Variants in ADAM15 observed in about 807,000 individuals in gnomAD.
ADAM15 encodes disintegrin and metalloproteinase domain-containing protein 15.
Under a neutral mutation model 113.8 loss-of-function variants are expected in ADAM15, and 77 were observed. The observed-to-expected ratio is 0.68, with a 90% CI of 0.56 to 0.82. The LOEUF is 0.82. ADAM15 is among the 40% of genes least tolerant of loss of function. ADAM15 has a pLI of 0.00. For missense variants in ADAM15, 963 were observed against 1,120.1 expected, an observed-to-expected ratio of 0.86 and a Z score of 2.00; for synonymous variants, 388 against 454.1, an observed-to-expected ratio of 0.85 and a Z score of 1.85.
chr1:155,059,986 G>T lies in ADAM15; in HGVS notation c.2068+12G>T, dbSNP rs983500077. ...CACTCAGCTCAAAGGTAGCATGGGG[G>T]TGGGGGACAGGGGCAGCTGGGAGGG... On this transcript the variant is annotated intron_variant, in intron 17 of 22. Transcript: ENST00000356955. The T allele has an allele frequency of 6.2e-7, 1 of 1,613,816 alleles. No individual in the cohort carries two copies. Among genetic ancestry groups the T allele is most frequent in the African/African-American group, 1.3e-5 (1 of 74,910 alleles).
In ADAM15 at chr1:155,062,408, A is replaced by G. The variant is rs768026924; in HGVS notation, c.2549+39A>G. ...TGGGCATGGGTGGGCGGGGCGAGTG[A>G]CCTGGGGGAAAGGGGCCTCTGACTC... is the stretch of plus-strand genomic sequence containing the variant. On this transcript the variant is annotated intron_variant, in intron 22 of 22. Transcript: ENST00000356955. This position sits in a 1 kb window ranked among gnomAD's most constrained non-coding sequence, Gnocchi z 7.0. The G allele has an allele frequency of 1.2e-6, 2 of 1,611,400 alleles. No individual in the cohort carries two copies. The highest frequency in any genetic ancestry group is 1.1e-5 in the South Asian group (1 of 90,714).
intron 6 of ADAM15, chr1:155,055,444 T>A: frequency 3.2e-6 from 1 of 316,412 alleles, no homozygotes; most frequent in Admixed American, 4.5e-5. Context: ...TCCAGGATGG[T>A]CTCGATCTCC....
intron 1 of ADAM15, chr1:155,052,364 T>G (rs1571587991): frequency 7.7e-6 from 6 of 779,788 alleles, no homozygotes; most frequent in African/African-American, 3.7e-5. Flanking sequence ...TGGGAGGGAG[T>G]GGGAACCGGG....
At chr1:155,059,221 C>T (rs1406570099) in intron 16 of ADAM15, among the ~76,000 whole-genome samples, 3 of 152,166 alleles carry the variant, frequency 2.0e-5, no homozygotes, top group Admixed American at 1.3e-4. Flanking sequence ...TCACCCGCCA[C>T]CATGCCCAGC....
chr1:155,060,945 A>T, intron 19 of ADAM15, 113 bp downstream of exon 19: 7 of 1,062,882 alleles, frequency 6.6e-6, no homozygotes, highest in Non-Finnish European at 9.6e-6. Context: ...GCACTGCCCA[A>T]GAGTCAGTCG....
In ADAM15 at chr1:155,062,334, A is replaced by C. The variant is rs771890676; in HGVS notation, c.2514A>C (p.Pro838=). The C allele has an allele frequency of 1.3e-6, 2 of 1,552,484 alleles. No homozygotes were observed. The highest frequency in any genetic ancestry group is 4.7e-5 in the East Asian group (2 of 42,844). The part of the protein sequence containing the change: ...GRCPSGDLPG[P]GAGIPPLVVP... The stretch of plus-strand genomic sequence containing the variant: ...GCCCATCGGGTGACCTGCCCGGCCC[A>C]GGGGCTGGAATCCCGCCCCTAGTGG... Residue 838 remains proline, a synonymous_variant, in exon 22 of 23, where the codon CCA becomes CCC. Transcript: ENST00000356955. The surrounding 1 kb of genome is among the most constrained non-coding windows in gnomAD (Gnocchi z 7.0).
chr1:155,056,419 G>T lies in ADAM15; in HGVS notation c.948G>T (p.Met316Ile), dbSNP rs749115214. ...CATTCTCTGGGCCTACGGTGGGCAT[G>T]GCCATTCAGAACTCCATCTGTTCTC... ...GTSFSGPTVG[M>I]AIQNSICSPD... is the part of the protein sequence containing the mutation. The change falls in exon 10 of 23, where the codon ATG (methionine) becomes ATT (isoleucine). Residue 316 changes from methionine (M) to isoleucine (I), a missense_variant. By Grantham distance (10) the Met-to-Ile change is conservative (BLOSUM62 1). Coordinates refer to ENST00000356955, the MANE Select transcript of ADAM15 (RefSeq NM_207197.3). The surrounding 1 kb of genome is among the most constrained non-coding windows in gnomAD (Gnocchi z 4.0). The T allele has an allele frequency of 2.5e-6, 4 of 1,614,022 alleles. No homozygotes were observed. The East Asian group carries it at 8.9e-5, about 36-fold the overall frequency.
Position 155,057,887 on chromosome 1 carries a change from G to A in ADAM15, c.1453G>A (p.Gly485Arg). 6.2e-7 allele frequency: 1 copy of A among 1,613,202 alleles called. No individual in the cohort carries two copies. Among genetic ancestry groups the A allele is most frequent in the Non-Finnish European group, 8.5e-7 (1 of 1,180,008 alleles). The change falls in exon 14 of 23, where the codon GGG becomes AGG. Residue 485 changes from glycine (G) to arginine (R), a missense_variant. Physicochemically the swap from Gly to Arg is moderately radical, Grantham distance 125 (BLOSUM62 -2). Coordinates refer to ENST00000356955, the MANE Select transcript of ADAM15 (RefSeq NM_207197.3). This position sits in a 1 kb window ranked among gnomAD's most constrained non-coding sequence, Gnocchi z 5.0. ...TGGCTGGCAGTGTCGTCCTACCAGA[G>A]GGGATTGTGACTTGCCTGAATTCTG... ...PSGWQCRPTR[G>R]DCDLPEFCPG...
intron 19 of ADAM15, 25 bp downstream of exon 19, chr1:155,060,857 GGGACTCCACCTTGGCCGGGC>G: frequency 6.2e-7 from 1 of 1,601,758 alleles, no homozygotes. Context: ...CCAGAGGAAG[GGGACTCCACCTTGGCCGGGC>G]ATCCAGCTTG....
At chr1:155,053,540 G>T (rs781206952) in intron 3 of ADAM15, 47 bp downstream of exon 3, 1 of 1,592,016 alleles carries the variant, frequency 6.3e-7, no homozygotes, top group South Asian at 1.1e-5. Context: ...CCAACAACTT[G>T]TATAGCATTT....
rs139499810 is a variant in ADAM15 at position 155,054,130 on chromosome 1, ATGT to A, written c.343-15_343-13del. ...TGGTGTGCTCTCTGAGACAGCACTAATGTTGTTCCCATGCTGCAGGAGAACTGC... is the reference window on the plus strand; with the variant it reads ...TGGTGTGCTCTCTGAGACAGCACTAATGTTCCCATGCTGCAGGAGAACTGC... On this transcript the variant is annotated splice_polypyrimidine_tract_variant and intron_variant, in intron 4 of 22. Coordinates refer to ENST00000356955, the MANE Select transcript of ADAM15 (RefSeq NM_207197.3). 3.2e-4 allele frequency: 514 copies of A among 1,613,930 alleles called. 3 individuals carry two copies. In the African/African-American group the frequency reaches 6.3e-3, roughly 20 times the overall value.
Position 155,058,558 on chromosome 1 carries a change from T to C in ADAM15, c.1917+117T>C. On this transcript the variant is annotated intron_variant, in intron 15 of 22. Transcript: ENST00000356955. This position sits in a 1 kb window ranked among gnomAD's most constrained non-coding sequence, Gnocchi z 4.3. ...AGGCAGGGACTCCAAGGGAAGTCAG[T>C]TTCTTACTTCAGATGGAGCAAAGTC... is the stretch of plus-strand genomic sequence containing the variant. The C allele has an allele frequency of 6.5e-7, 1 of 1,550,066 alleles. No homozygotes were observed. Among genetic ancestry groups the C allele is most frequent in the Non-Finnish European group, 8.7e-7 (1 of 1,148,878 alleles).
intron 1 of ADAM15, 56 bp downstream of exon 1, chr1:155,051,521 A>T (rs1172154544): frequency 1.4e-6 from 2 of 1,453,526 alleles, no homozygotes; most frequent in African/African-American, 3.0e-5. Context: ...GGTGCAGGAA[A>T]GTCGGAAGGC....
rs968097150 is a variant in ADAM15, at chr1:155,057,851, C to T, written c.1417C>T (p.Leu473=). ...SDGPCCQNCQ[L]RPSGWQCRPT... ...ACTGATGCTCATCCACCCTCCACAG[C>T]TGCGCCCGTCTGGCTGGCAGTGTCG... Residue 473 remains leucine (L), a splice_region_variant and synonymous_variant, in exon 14 of 23, where the codon CTG becomes TTG. Transcript: ENST00000356955. The surrounding 1 kb of genome is among the most constrained non-coding windows in gnomAD (Gnocchi z 5.0). 6 of 1,613,156 alleles carry T rather than the reference C, an allele frequency of 3.7e-6. No individual in the cohort carries two copies. The highest frequency in any genetic ancestry group is 5.1e-6 in the Non-Finnish European group (6 of 1,179,466).
chr1:155,061,236 T>G (rs1383903215), intron 19 of ADAM15, 179 bp from the exon 20 acceptor site: 2 of 588,792 alleles, frequency 3.4e-6, no homozygotes, highest in African/African-American at 3.7e-5. Flanking sequence ...ATGATGGGAG[T>G]GTGTGCACAC....
In ADAM15 at chr1:155,061,405, G is replaced by A; in HGVS notation, c.2278-10G>A. ...CCCTCTGTGCCTATCTGCCCCTCCT[G>A]CCCTCTCAGCAGGCTAGTGCTCTCA... is the stretch of plus-strand genomic sequence containing the variant. On this transcript the variant is annotated splice_polypyrimidine_tract_variant and intron_variant, in intron 19 of 22. Coordinates refer to ENST00000356955, the MANE Select transcript of ADAM15 (RefSeq NM_207197.3). 1 of 1,611,726 alleles carries A rather than the reference G, an allele frequency of 6.2e-7. No individual in the cohort carries two copies. The highest frequency in any genetic ancestry group is 8.5e-7 in the Non-Finnish European group (1 of 1,178,940).
At position 155,056,434 on chromosome 1, in the gene ADAM15, C is replaced by T; in HGVS notation, c.963C>T (p.Ser321=). 6.2e-7 allele frequency: 1 copy of T among 1,614,160 alleles called. No homozygotes were observed. The highest frequency in any genetic ancestry group is 2.2e-5 in the East Asian group (1 of 44,888). ...CGGTGGGCATGGCCATTCAGAACTC[C>T]ATCTGTTCTCCTGACTTCTCAGGAG... ...GPTVGMAIQN[S]ICSPDFSGGV... is the part of the protein sequence containing the mutation. The change falls in exon 10 of 23, where the codon TCC becomes TCT. Residue 321 remains serine (S), a synonymous_variant. Transcript: ENST00000356955. The surrounding 1 kb of genome is among the most constrained non-coding windows in gnomAD (Gnocchi z 4.0).
intron 20 of ADAM15, 175 bp from the exon 21 acceptor site, chr1:155,061,729 A>G (rs1571639551): frequency 7.2e-6 from 6 of 835,568 alleles, no homozygotes; most frequent in Admixed American, 5.3e-5. Context: ...GTTGACCTAC[A>G]CCTTCCTCCC....
At chr1:155,060,109 C>G in intron 17 of ADAM15, 96 bp from the exon 18 acceptor site, 2 of 1,576,510 alleles carry the variant, frequency 1.3e-6, no homozygotes, top group Non-Finnish European at 1.7e-6. Flanking sequence ...ACCCTTCACT[C>G]TCCCTGATCA....
Sources: allele counts gnomAD v4.1 joint callset (sites outside exome capture counted in the v4.1 genomes callset), GRCh38; gene constraint gnomAD v4.1.1; non-coding constraint Gnocchi (gnomAD v3.1); transcripts MANE v1.5; gene names NCBI Gene and HGNC (gene_info 2026-07-23, HGNC 2026-07-21).